RGS17: variants seen among roughly 807,000 people sequenced by gnomAD.
The protein encoded by RGS17 is regulator of G protein signaling 17.
Under a neutral mutation model 25.5 loss-of-function variants are expected in RGS17, and 12 were observed. That is an observed-to-expected ratio of 0.47 (90% confidence interval 0.30 to 0.76). The LOEUF is 0.76. Ranked by LOEUF, RGS17 falls within the 30% of genes least tolerant of loss-of-function variation. The pLI, the probability that RGS17 is intolerant of heterozygous loss-of-function variation, is 0.07. For missense variants in RGS17, 196 were observed against 242.2 expected, an observed-to-expected ratio of 0.81 and a Z score of 1.27; for synonymous variants, 71 against 76.9, an observed-to-expected ratio of 0.92 and a Z score of 0.40.
intron 2 of RGS17, 149 bp downstream of exon 2, chr6:153,043,751 C>T (rs1282201493): frequency 3.7e-6 from 2 of 546,994 alleles, no homozygotes; most frequent in Non-Finnish European, 6.4e-6. Context: ...TTGCATTAAA[C>T]CAATGATAGT....
At chr6:153,121,138 G>A (rs1777625224) in intron 1 of RGS17, among the ~76,000 whole-genome samples, 1 of 151,904 alleles carries the variant, frequency 6.6e-6, no homozygotes, top group African/African-American at 2.4e-5. Flanking sequence ...TAAGAAAAAG[G>A]AGGCAGAAAA....
intron 1 of RGS17, among the ~76,000 whole-genome samples, chr6:153,119,882 A>G (rs1777601228): frequency 6.6e-6 from 1 of 152,172 alleles, no homozygotes; most frequent in African/African-American, 2.4e-5. Context: ...TCATCATATC[A>G]TTGGGACAAT....
At chr6:153,071,686 T>C (rs1776804863) in intron 1 of RGS17, among the ~76,000 whole-genome samples, 1 of 152,142 alleles carries the variant, frequency 6.6e-6, no homozygotes, top group Admixed American at 6.6e-5. Context: ...TTTAGAGAAA[T>C]AATAACCAAT....
chr6:153,055,515 C>T (rs73635327), intron 1 of RGS17, among the ~76,000 whole-genome samples: 2,384 of 152,124 alleles, frequency 0.016, 47 homozygotes, highest in African/African-American at 0.054. Flanking sequence ...AGAAACTGGT[C>T]TCTCCTTTGC....
intron 1 of RGS17, among the ~76,000 whole-genome samples, chr6:153,051,579 T>C (rs1183358695): frequency 6.6e-6 from 1 of 152,176 alleles, no homozygotes; most frequent in East Asian, 1.9e-4. Flanking sequence ...GTTCATATTA[T>C]TAGTGTTTTG....
intron 1 of RGS17, among the ~76,000 whole-genome samples, chr6:153,068,801 T>A (rs545509011): frequency 6.6e-6 from 1 of 152,212 alleles, no homozygotes; most frequent in East Asian, 1.9e-4. Context: ...AACATCTGAA[T>A]AGATATTTCT....
intron 1 of RGS17, among the ~76,000 whole-genome samples, chr6:153,065,016 T>C (rs991081128): frequency 6.6e-6 from 1 of 152,230 alleles, no homozygotes. Flanking sequence ...AGTGCCTGAA[T>C]GGATAAAAAC....
Position 153,011,567 on chromosome 6 carries a change from A to T in RGS17, c.*7T>A. 1 of 1,578,744 alleles carries T rather than the reference A, an allele frequency of 6.3e-7. No individual in the cohort carries two copies. Among genetic ancestry groups the T allele is most frequent in the Non-Finnish European group, 8.7e-7 (1 of 1,155,926 alleles). On this transcript the variant is annotated 3_prime_UTR_variant, in exon 5 of 5. Transcript: ENST00000206262. ...AGCCCTCCAAAATGATTGTTTTTAA[A>T]TGAACATTAAGATTCAGAAGAAGAG...
chr6:153,058,660 G>A (rs540532748), intron 1 of RGS17, among the ~76,000 whole-genome samples: 16 of 152,334 alleles, frequency 1.1e-4, no homozygotes, highest in African/African-American at 3.8e-4. Flanking sequence ...GGTGGACAAG[G>A]AAGCAATTCA....
At chr6:153,012,950 T>G (rs1444850366) in intron 4 of RGS17, among the ~76,000 whole-genome samples, 1 of 152,138 alleles carries the variant, frequency 6.6e-6, no homozygotes, top group Non-Finnish European at 1.5e-5. Context: ...TTGGGTTGAT[T>G]GCTACACCCC....
At chr6:153,016,775 G>T (rs1779189257) in intron 4 of RGS17, among the ~76,000 whole-genome samples, 2 of 152,154 alleles carry the variant, frequency 1.3e-5, no homozygotes, top group African/African-American at 4.8e-5. Flanking sequence ...AAATAATAAG[G>T]ATAAACCCCA....
chr6:153,051,038 G>A (rs929137703), intron 1 of RGS17, among the ~76,000 whole-genome samples: 6 of 152,160 alleles, frequency 3.9e-5, no homozygotes, highest in Non-Finnish European at 7.4e-5. Context: ...CTACAACCAG[G>A]CAGCAGGCCC....
At chr6:153,056,470 T>C (rs539194593) in intron 1 of RGS17, among the ~76,000 whole-genome samples, 3 of 152,330 alleles carry the variant, frequency 2.0e-5, no homozygotes, top group East Asian at 3.9e-4. Context: ...ATGGAAAGTC[T>C]GACTGATACT....
chr6:153,091,857 T>C lies in RGS17; in HGVS notation c.-26+39267A>G, dbSNP rs374378636. 1.6e-3 allele frequency among the ~76,000 whole-genome samples: 245 copies of C among 152,284 alleles called. 3 individuals carry two copies. Among genetic ancestry groups the C allele is most frequent in the African/African-American group, 5.7e-3 (237 of 41,558 alleles). ...AATAAAAGTACTTGACCTTAAAACA[T>C]TGTTTCCATTTAATCATATTCTGTA... On this transcript the variant is annotated intron_variant, in intron 1 of 4. Transcript: ENST00000206262.
intron 1 of RGS17, among the ~76,000 whole-genome samples, chr6:153,077,002 G>A (rs1433896817): frequency 6.6e-6 from 1 of 152,128 alleles, no homozygotes; most frequent in Non-Finnish European, 1.5e-5. Context: ...CTTTCATCAT[G>A]AAGCAATGTT....
intron 2 of RGS17, among the ~76,000 whole-genome samples, chr6:153,042,367 G>A (rs1282295492): frequency 6.6e-6 from 1 of 152,130 alleles, no homozygotes; most frequent in Non-Finnish European, 1.5e-5. Context: ...ATTGAATCAT[G>A]GGGATGGTTT....
intron 3 of RGS17, among the ~76,000 whole-genome samples, chr6:153,025,489 C>T (rs995610680): frequency 2.6e-5 from 4 of 151,524 alleles, no homozygotes; most frequent in African/African-American, 7.3e-5. Context: ...GTAATTAATC[C>T]ACTTGCTTAT....
chr6:153,030,200 T>C (rs1294669553), intron 2 of RGS17, among the ~76,000 whole-genome samples: 1 of 152,178 alleles, frequency 6.6e-6, no homozygotes. Context: ...TGGGGGTGGA[T>C]TGTTTGTTTA....
chr6:153,083,391 A>G (rs1416019686), intron 1 of RGS17, among the ~76,000 whole-genome samples: 1 of 152,236 alleles, frequency 6.6e-6, no homozygotes, highest in Admixed American at 6.5e-5. Context: ...CTCTTTTGGA[A>G]AAAAGCCGAA....
Sources: allele counts gnomAD v4.1 joint callset (sites outside exome capture counted in the v4.1 genomes callset), GRCh38; gene constraint gnomAD v4.1.1; transcripts MANE v1.5; gene names NCBI Gene and HGNC (gene_info 2026-07-23, HGNC 2026-07-21).